The following AGBL4 variants were observed in gnomAD, a reference collection of about 807,000 sequenced individuals.
AGBL4 encodes the protein AGBL carboxypeptidase 4.
In AGBL4, 58 loss-of-function variants were observed where a neutral mutation model predicts 66.4. The observed-to-expected ratio is 0.87, with a 90% CI of 0.71 to 1.09. The LOEUF (loss-of-function observed/expected upper bound fraction) is 1.09, where lower values mean the gene tolerates loss of function less well. Among genes scored for constraint, AGBL4 ranks in the 50% least tolerant of loss-of-function variants. AGBL4 has a pLI of 0.00. For missense variants in AGBL4, 579 were observed against 631.0 expected, an observed-to-expected ratio of 0.92 and a Z score of 0.88; for synonymous variants, 234 against 222.9, an observed-to-expected ratio of 1.05 and a Z score of -0.44.
chr1:48,824,302 C>T (rs563830019), intron 6 of AGBL4, among the ~76,000 whole-genome samples: 36 of 152,290 alleles, frequency 2.4e-4, no homozygotes, highest in African/African-American at 8.4e-4. Context: ...GGATGAAGAA[C>T]ATTCACCATA....
chr1:48,948,424 C>T (rs866933039), intron 5 of AGBL4, among the ~76,000 whole-genome samples: 32 of 152,262 alleles, frequency 2.1e-4, no homozygotes, highest in African/African-American at 6.5e-4. Context: ...ATGGTTTTGC[C>T]GCCTTTCACT....
intron 2 of AGBL4, chr1:49,841,951 T>G (rs1646004727): frequency 3.5e-6 from 2 of 574,670 alleles, no homozygotes. Flanking sequence ...GAGCGTGTCC[T>G]CCACCTCGTA....
Position 49,118,296 on chromosome 1 carries a change from GT to G in AGBL4, c.378-72497del, listed in dbSNP as rs552971819. Among the ~76,000 whole-genome samples the G allele has an allele frequency of 5.8e-3, 881 of 152,224 alleles. 5 individuals carry two copies. Among genetic ancestry groups the G allele is most frequent in the Non-Finnish European group, 8.7e-3 (594 of 68,020 alleles). On this transcript the variant is annotated intron_variant, in intron 4 of 13. Coordinates refer to ENST00000371839, the MANE Select transcript of AGBL4 (RefSeq NM_032785.4). ...GAGAGAGCATCCTTGTCTTGTGCTGGTTTTCAAAGGGAATGCTTCCAATTTT... is the reference window on the plus strand; with the variant it reads ...GAGAGAGCATCCTTGTCTTGTGCTGGTTTCAAAGGGAATGCTTCCAATTTT...
At position 49,223,778 on chromosome 1, in the gene AGBL4, G is replaced by A. The variant is rs555049113; in HGVS notation, c.377+21992C>T. On this transcript the variant is annotated intron_variant, in intron 4 of 13. Coordinates refer to ENST00000371839, the MANE Select transcript of AGBL4 (RefSeq NM_032785.4). Reference sequence around the variant, plus strand: ...GAATTAGGTCACGAATACTTCTTACGTATTAAGGGAAATAATTTTAGGCAG... The same window carrying A: ...GAATTAGGTCACGAATACTTCTTACATATTAAGGGAAATAATTTTAGGCAG... Among the ~76,000 whole-genome samples the A allele has an allele frequency of 4.6e-5, 7 of 152,222 alleles. No homozygotes were observed. The East Asian group carries it at 5.8e-4, about 13-fold the overall frequency.
Position 49,935,672 on chromosome 1 carries a change from G to A in AGBL4, c.35-84154C>T, listed in dbSNP as rs184601317. ...GGAACTATCAGACAGCAGCATTCGC[G>A]GTTCATGAAAATCCGCTGTTCTACG... On this transcript the variant is annotated intron_variant, in intron 1 of 13. Transcript: ENST00000371839. 3.4e-3 allele frequency among the ~76,000 whole-genome samples: 515 copies of A among 152,206 alleles called. 5 individuals are homozygous for A. The highest frequency in any genetic ancestry group is 0.012 in the African/African-American group (496 of 41,524).
At chr1:48,582,734 C>T (rs1030871586) in intron 11 of AGBL4, among the ~76,000 whole-genome samples, 7 of 152,112 alleles carry the variant, frequency 4.6e-5, no homozygotes, top group African/African-American at 7.2e-5. Flanking sequence ...TTTTACAAAT[C>T]GGGAAACAGA....
chr1:49,496,372 T>C (rs1289797578), intron 3 of AGBL4, among the ~76,000 whole-genome samples: 1 of 152,044 alleles, frequency 6.6e-6, no homozygotes, highest in Non-Finnish European at 1.5e-5. Flanking sequence ...CACGTACTTA[T>C]TTTTGTGGTG....
chr1:49,039,948 A>T (rs1643897682), intron 5 of AGBL4, among the ~76,000 whole-genome samples: 1 of 152,112 alleles, frequency 6.6e-6, no homozygotes, highest in Admixed American at 6.6e-5. Flanking sequence ...GCCATTCATA[A>T]TAGCACCAAA....
chr1:49,672,021 A>G (rs778832078), intron 3 of AGBL4, among the ~76,000 whole-genome samples: 12 of 152,184 alleles, frequency 7.9e-5, no homozygotes, highest in Non-Finnish European at 1.2e-4. Context: ...TGCTACCACA[A>G]AGACATATGC....
At chr1:49,241,462 T>G (rs770141092) in intron 4 of AGBL4, among the ~76,000 whole-genome samples, 6 of 152,092 alleles carry the variant, frequency 3.9e-5, no homozygotes, top group Non-Finnish European at 8.8e-5. Flanking sequence ...AGGTCTCTTA[T>G]CCTTGGTGTA....
chr1:49,189,964 T>C (rs1647085312), intron 4 of AGBL4, among the ~76,000 whole-genome samples: 1 of 152,146 alleles, frequency 6.6e-6, no homozygotes, highest in Non-Finnish European at 1.5e-5. Flanking sequence ...CCTGTTATAA[T>C]AATGCATTCT....
chr1:49,452,540 G>A (rs977487323), intron 3 of AGBL4, among the ~76,000 whole-genome samples: 4 of 151,784 alleles, frequency 2.6e-5, no homozygotes, highest in African/African-American at 9.7e-5. Flanking sequence ...TTAGCACACA[G>A]TACATGCTTT....
intron 2 of AGBL4, among the ~76,000 whole-genome samples, chr1:49,789,961 G>A (rs1644554252): frequency 6.6e-6 from 1 of 152,134 alleles, no homozygotes; most frequent in South Asian, 2.1e-4. Flanking sequence ...CAAACAGCAT[G>A]GTACTGGTAC....
intron 2 of AGBL4, among the ~76,000 whole-genome samples, chr1:49,818,371 T>G (rs1012104953): frequency 2.6e-4 from 7 of 27,112 alleles, no homozygotes; most frequent in Non-Finnish European, 3.6e-4. Flanking sequence ...GTTTTTTTTG[T>G]TTTTTTTTTT....
intron 2 of AGBL4, among the ~76,000 whole-genome samples, chr1:49,761,972 C>T (rs1011708996): frequency 4.6e-5 from 7 of 152,122 alleles, no homozygotes; most frequent in Admixed American, 3.3e-4. Flanking sequence ...TTTATCCACT[C>T]ATCTATTATT....
At chr1:48,981,814 T>C (rs537311239) in intron 5 of AGBL4, among the ~76,000 whole-genome samples, 2 of 152,280 alleles carry the variant, frequency 1.3e-5, no homozygotes, top group Non-Finnish European at 2.9e-5. Context: ...GAGAATCGCT[T>C]GAACCCAGGA....
At chr1:49,200,494 C>T (rs988869969) in intron 4 of AGBL4, among the ~76,000 whole-genome samples, 1 of 152,134 alleles carries the variant, frequency 6.6e-6, no homozygotes, top group Non-Finnish European at 1.5e-5. Flanking sequence ...GGGCTCAGTA[C>T]TACAAGACTG....
chr1:48,708,495 G>A (rs1436663810), intron 6 of AGBL4, among the ~76,000 whole-genome samples: 1 of 152,190 alleles, frequency 6.6e-6, no homozygotes, highest in East Asian at 1.9e-4. Flanking sequence ...GAGAAGGACA[G>A]TGGGATGACA....
intron 1 of AGBL4, among the ~76,000 whole-genome samples, chr1:49,854,489 T>A (rs977866441): frequency 2.0e-5 from 3 of 152,082 alleles, no homozygotes; most frequent in African/African-American, 7.2e-5. Flanking sequence ...TCCATTGCAA[T>A]TGCATTGTTC....
Sources: allele counts gnomAD v4.1 joint callset (sites outside exome capture counted in the v4.1 genomes callset), GRCh38; gene constraint gnomAD v4.1.1; transcripts MANE v1.5; gene names NCBI Gene and HGNC (gene_info 2026-07-23, HGNC 2026-07-21).